The following DLGAP2 variants were observed in gnomAD, a reference collection of about 807,000 sequenced individuals.
DLGAP2 encodes disks large-associated protein 2.
DLGAP2 carries 26 observed loss-of-function variants against 100.3 expected under a neutral mutation model. The observed-to-expected ratio is 0.26, with a 90% confidence interval of 0.19 to 0.36. The LOEUF (loss-of-function observed/expected upper bound fraction) is 0.36, where lower values mean the gene tolerates loss of function less well. Ranked by LOEUF, DLGAP2 falls within the 10% of genes least tolerant of loss-of-function variation. The pLI is 1.00. For synonymous variants in DLGAP2, 886 were observed against 630.1 expected (o/e 1.41, Z -6.08); for missense variants, 1,858 against 1,453.2 (o/e 1.28, Z -4.53).
At chr8:1,326,409 G>A (rs1801021844) in intron 3 of DLGAP2, among the ~76,000 whole-genome samples, 1 of 152,144 alleles carries the variant, frequency 6.6e-6, no homozygotes, top group Non-Finnish European at 1.5e-5. Context: ...CTGACTCACT[G>A]ATGAGCAAGG....
intron 1 of DLGAP2, among the ~76,000 whole-genome samples, chr8:757,488 G>GGT (rs1225927829): frequency 6.6e-6 from 1 of 152,126 alleles, no homozygotes; most frequent in Non-Finnish European, 1.5e-5. Context: ...CGTAGGCACT[G>GGT]GGCTGATGGG....
At chr8:1,287,488 G>GTA (rs1799954515) in intron 3 of DLGAP2, among the ~76,000 whole-genome samples, 1 of 51,974 alleles carries the variant, frequency 1.9e-5, no homozygotes, top group African/African-American at 1.4e-4. Flanking sequence ...GTGTGTGTGT[G>GTA]TGTGTGTGGT....
chr8:1,321,716 G>C (rs1475274882), intron 3 of DLGAP2, among the ~76,000 whole-genome samples: 1 of 152,120 alleles, frequency 6.6e-6, no homozygotes, highest in African/African-American at 2.4e-5. Context: ...CTAGAACTCG[G>C]CTTCCCCATT....
At chr8:1,106,576 A>G (rs890540195) in intron 2 of DLGAP2, among the ~76,000 whole-genome samples, 1 of 149,052 alleles carries the variant, frequency 6.7e-6, no homozygotes, top group African/African-American at 2.5e-5. Context: ...GAAGGGGGCC[A>G]TTCTAGGAGG....
intron 3 of DLGAP2, among the ~76,000 whole-genome samples, chr8:1,282,727 G>T (rs1163396733): frequency 4.4e-5 from 6 of 134,838 alleles, no homozygotes; most frequent in African/African-American, 1.6e-4. Context: ...CCAGCGCCCT[G>T]AACCATCTGG....
chr8:994,108 G>T (rs146223806), intron 2 of DLGAP2, among the ~76,000 whole-genome samples: 1 of 152,094 alleles, frequency 6.6e-6, no homozygotes, highest in Non-Finnish European at 1.5e-5. Context: ...ATTAGAAATC[G>T]CCACTGCACT....
Position 1,549,450 on chromosome 8 carries a change from A to G in DLGAP2, c.997A>G (p.Ser333Gly), listed in dbSNP as rs1439196599. The G allele has an allele frequency of 6.2e-7, 1 of 1,613,448 alleles. No homozygotes were observed. ...VAHCYPDALQSPFGDLSLKTS... is the reference protein window; with the variant it reads ...VAHCYPDALQGPFGDLSLKTS... ...CCACTGCTACCCCGACGCGCTGCAG[A>G]GCCCCTTCGGGGACCTGTCCCTCAA... The change falls in exon 5 of 15, where the codon AGC becomes GGC. Residue 333 changes from serine (S) to glycine (G), a missense_variant. Physicochemically the swap from Ser to Gly is moderately conservative, Grantham distance 56 (BLOSUM62 0). Coordinates refer to ENST00000637795, the MANE Select transcript of DLGAP2 (RefSeq NM_001346810.2).
chr8:812,096 G>A (rs1430703665), intron 1 of DLGAP2, among the ~76,000 whole-genome samples: 1 of 152,222 alleles, frequency 6.6e-6, no homozygotes, highest in Non-Finnish European at 1.5e-5. Context: ...CTCCATCTCT[G>A]CAAGAGGGAG....
At chr8:783,398 T>C (rs1231274495) in intron 1 of DLGAP2, among the ~76,000 whole-genome samples, 3 of 152,204 alleles carry the variant, frequency 2.0e-5, no homozygotes, top group African/African-American at 7.2e-5. Flanking sequence ...AGGAATCTCA[T>C]GATATTACAT....
chr8:1,093,484 C>T (rs1212867520), intron 2 of DLGAP2, among the ~76,000 whole-genome samples: 1 of 151,876 alleles, frequency 6.6e-6, no homozygotes, highest in Non-Finnish European at 1.5e-5. Context: ...AACACCTTCA[C>T]ACCGACAGCC....
At position 1,668,412 on chromosome 8, in the gene DLGAP2, C is replaced by G. The variant is rs1297214053; in HGVS notation, c.1894C>G (p.Gln632Glu). The change falls in exon 9 of 15, where the codon CAG (glutamine) becomes GAG (glutamate). Residue 632 changes from glutamine (Q) to glutamate (E), a missense_variant. By Grantham distance (29) the Gln-to-Glu change is conservative. Transcript: ENST00000637795. ...CAAGCCTCTGATCTCGGTGACGGCG[C>G]AGAGCAGCACCGAATCCACCCAGGA... ...TSKPLISVTA[Q>E]SSTESTQDAY... is the part of the protein sequence containing the mutation. 5 of 1,603,926 alleles carry G rather than the reference C, an allele frequency of 3.1e-6. No homozygotes were observed. Among genetic ancestry groups the G allele is most frequent in the Non-Finnish European group, 4.3e-6 (5 of 1,175,862 alleles).
intron 3 of DLGAP2, 83 bp downstream of exon 3, chr8:1,258,966 G>A (rs1024170746): frequency 2.7e-5 from 31 of 1,127,800 alleles, no homozygotes; most frequent in African/African-American, 4.8e-5. Flanking sequence ...ACCATGAAAC[G>A]TGTTGGAGAG....
At chr8:799,779 T>C (rs1796110011) in intron 1 of DLGAP2, among the ~76,000 whole-genome samples, 1 of 152,116 alleles carries the variant, frequency 6.6e-6, no homozygotes, top group African/African-American at 2.4e-5. Context: ...AATTTCTTTG[T>C]TGAGTTGGGG....
intron 2 of DLGAP2, chr8:1,018,668 AC>A (rs1159772023): frequency 6.6e-6 from 1 of 152,242 alleles, no homozygotes; most frequent in African/African-American, 2.4e-5. Flanking sequence ...TGATATTTAA[AC>A]AAAGTTCATA....
chr8:884,771 A>G (rs1797889335), intron 1 of DLGAP2, among the ~76,000 whole-genome samples: 1 of 152,154 alleles, frequency 6.6e-6, no homozygotes, highest in Non-Finnish European at 1.5e-5. Flanking sequence ...TGGATTTTAA[A>G]TTTAAGTCTT....
intron 2 of DLGAP2, among the ~76,000 whole-genome samples, chr8:1,203,519 C>G (rs1056727904): frequency 5.3e-5 from 8 of 152,186 alleles, no homozygotes; most frequent in Non-Finnish European, 1.2e-4. Flanking sequence ...GGATACCCTT[C>G]TCAGCGATCT....
chr8:1,637,108 G>A (rs920183729), intron 8 of DLGAP2, among the ~76,000 whole-genome samples: 1 of 152,150 alleles, frequency 6.6e-6, no homozygotes, highest in Non-Finnish European at 1.5e-5. Context: ...CTTGCTCGGG[G>A]ACCAGGTGTG....
chr8:1,382,424 G>A (rs759654677), intron 3 of DLGAP2, among the ~76,000 whole-genome samples: 4 of 152,154 alleles, frequency 2.6e-5, no homozygotes, highest in African/African-American at 7.2e-5. Context: ...GCAAGTGTGC[G>A]TGAATATATG....
intron 3 of DLGAP2, among the ~76,000 whole-genome samples, chr8:1,384,733 A>G (rs1796176999): frequency 1.9e-5 from 1 of 52,420 alleles, no homozygotes; most frequent in Non-Finnish European, 3.8e-5. Context: ...TCCCCTGAGA[A>G]CTTGGTGCAC....
Sources: allele counts gnomAD v4.1 joint callset (sites outside exome capture counted in the v4.1 genomes callset), GRCh38; gene constraint gnomAD v4.1.1; transcripts MANE v1.5; gene names NCBI Gene and HGNC (gene_info 2026-07-23, HGNC 2026-07-21).